Variants in DGKG observed in about 807,000 individuals in gnomAD.
DGKG encodes DAG kinase gamma.
DGKG carries 78 observed loss-of-function variants against 105.3 expected under a neutral mutation model. That is an observed-to-expected ratio of 0.74 (90% CI 0.62 to 0.89). DGKG has a LOEUF of 0.89. Among genes scored for constraint, DGKG ranks in the 40% least tolerant of loss-of-function variants. DGKG has a pLI of 0.00. For synonymous variants in DGKG, 346 were observed against 367.1 expected, an observed-to-expected ratio of 0.94 and a Z score of 0.66; for missense variants, 958 against 1,020.1, an observed-to-expected ratio of 0.94 and a Z score of 0.83.
At position 186,188,337 on chromosome 3, in the gene DGKG, C is replaced by A. The variant is rs1317806043; in HGVS notation, c.1960G>T (p.Gly654Cys). The A allele has an allele frequency of 6.2e-7, 1 of 1,614,146 alleles. No homozygotes were observed. The highest frequency in any genetic ancestry group is 1.1e-5 in the South Asian group (1 of 91,078). Residue 654 changes from glycine to cysteine, a missense_variant, in exon 22 of 25, where the codon GGC becomes TGC. Gly to Cys is a radical substitution (Grantham distance 159). This residue lies in a region of DGKG where 315 missense variants were observed against 400.6 expected (regional missense o/e 0.79). Coordinates refer to ENST00000265022, the MANE Select transcript of DGKG (RefSeq NM_001346.3). ...CTGGGAATGTTGAGAATGGCAATGC[C>A]TTCCAGGAAGATGTTGCTCAGGTCC... The part of the protein sequence containing the change: ...GVDLSNIFLE[G>C]IAILNIPSMY...
intron 22 of DGKG, among the ~76,000 whole-genome samples, chr3:186,183,615 C>T (rs996299760): frequency 1.3e-5 from 2 of 152,028 alleles, no homozygotes; most frequent in African/African-American, 2.4e-5. Flanking sequence ...ATAGTAGGTA[C>T]AATTGGTAAT....
intron 6 of DGKG, among the ~76,000 whole-genome samples, chr3:186,288,249 A>G (rs1723159962): frequency 6.6e-6 from 1 of 152,236 alleles, no homozygotes; most frequent in South Asian, 2.1e-4. Flanking sequence ...GCTTATCAAG[A>G]CAGAGGTTGA....
intron 20 of DGKG, among the ~76,000 whole-genome samples, chr3:186,222,565 G>A (rs554261212): frequency 3.3e-5 from 5 of 152,258 alleles, no homozygotes; most frequent in East Asian, 1.9e-4. Context: ...ACACATGGTC[G>A]GGTGCGGTGG....
At chr3:186,249,922 A>C (rs962802865) in intron 19 of DGKG, among the ~76,000 whole-genome samples, 1 of 152,078 alleles carries the variant, frequency 6.6e-6, no homozygotes, top group Non-Finnish European at 1.5e-5. Flanking sequence ...TCTTTCCTTT[A>C]AAAAAAATTA....
intron 13 of DGKG, among the ~76,000 whole-genome samples, chr3:186,265,694 C>T (rs1164279244): frequency 5.8e-5 from 7 of 119,680 alleles, no homozygotes; most frequent in Non-Finnish European, 6.5e-5. Context: ...GACGGAGTCT[C>T]GCTCTATTGC....
chr3:186,288,938 C>A lies in DGKG; in HGVS notation c.374-58G>T, dbSNP rs1014964500. On this transcript the variant is annotated intron_variant, in intron 5 of 24. Coordinates refer to ENST00000265022, the MANE Select transcript of DGKG (RefSeq NM_001346.3). ...ATTTTCTGTTTAGTAAATATTAACC[C>A]CTCTTTGTTACCCCATCCTTTTCAT... 4 of 1,462,828 alleles carry A rather than the reference C, an allele frequency of 2.7e-6. No individual in the cohort carries two copies. In the African/African-American group the frequency reaches 4.3e-5, roughly 16 times the overall value. 90.6% of individuals were successfully genotyped at this position (1,462,828 alleles called of 1,614,324 possible). A position where few individuals can be genotyped will look rare whatever the true frequency, so the allele number is the denominator to read the frequency against.
At chr3:186,188,057 T>G in intron 22 of DGKG, 145 bp downstream of exon 22, 1 of 949,762 alleles carries the variant, frequency 1.1e-6, no homozygotes, top group Non-Finnish European at 1.6e-6. Flanking sequence ...TTGTAAACTT[T>G]GCAACATCGG....
At chr3:186,178,766 G>T (rs1389786520) in intron 22 of DGKG, among the ~76,000 whole-genome samples, 1 of 152,190 alleles carries the variant, frequency 6.6e-6, no homozygotes, top group Non-Finnish European at 1.5e-5. Context: ...GTGAATTTGA[G>T]TTGGGTCAGG....
Position 186,272,361 on chromosome 3 carries a change from C to A in DGKG, c.911-18G>T, listed in dbSNP as rs750157926. On this transcript the variant is annotated intron_variant, in intron 10 of 24. Transcript: ENST00000265022. ...TTTACAGTCTGAAAAGAAAAAAAGT[C>A]AAGGCAGGTGCTTGTGAATAGCCAC... 9.4e-6 allele frequency: 15 copies of A among 1,594,838 alleles called. No individual in the cohort carries two copies. Among genetic ancestry groups the A allele is most frequent in the Non-Finnish European group, 1.3e-5 (15 of 1,162,804 alleles).
chr3:186,260,027 T>G (rs954489432), intron 16 of DGKG, among the ~76,000 whole-genome samples: 1 of 152,170 alleles, frequency 6.6e-6, no homozygotes, highest in Non-Finnish European at 1.5e-5. Flanking sequence ...TCTGAGTCAC[T>G]GTCTAGATTT....
chr3:186,155,538 A>C lies in DGKG; in HGVS notation c.2278-5350T>G, dbSNP rs528488951. ...GGCATTTTAAGGAAATTTTTAGGAA[A>C]TTTCCAACTTTTTGCAATGATAAGT... On this transcript the variant is annotated intron_variant, in intron 24 of 24. Coordinates refer to ENST00000265022, the MANE Select transcript of DGKG (RefSeq NM_001346.3). Among the ~76,000 whole-genome samples the C allele has an allele frequency of 3.3e-5, 5 of 152,300 alleles. No homozygotes were observed. In the South Asian group the frequency reaches 1.0e-3, roughly 32 times the overall value.
Position 186,306,901 on chromosome 3 carries a change from C to G in DGKG, c.144G>C (p.Glu48Asp). 2 of 1,601,570 alleles carry G rather than the reference C, an allele frequency of 1.2e-6. No homozygotes were observed. The highest frequency in any genetic ancestry group is 1.7e-6 in the Non-Finnish European group (2 of 1,169,118). The change falls in exon 3 of 25, where the codon GAG becomes GAC. Residue 48 changes from glutamate to aspartate, a missense_variant and splice_region_variant. This residue lies in a region of DGKG where 643 missense variants were observed against 619.5 expected (regional missense o/e 1.04). Coordinates refer to ENST00000265022, the MANE Select transcript of DGKG (RefSeq NM_001346.3). ...GGSLKQYDPH[E>D]PISYDVFKLF... ...AGGCTTAAAATGGAAATGTTCTTACCTCATGTGGGTCATATTGTTTGAGGC... is the reference window on the plus strand; with the variant it reads ...AGGCTTAAAATGGAAATGTTCTTACGTCATGTGGGTCATATTGTTTGAGGC...
chr3:186,178,959 G>T (rs992726503), intron 22 of DGKG, among the ~76,000 whole-genome samples: 2 of 152,132 alleles, frequency 1.3e-5, no homozygotes, highest in Admixed American at 6.5e-5. Context: ...ATTTATTCTT[G>T]ATATTCTTTG....
chr3:186,265,435 G>C, intron 13 of DGKG, 129 bp from the exon 14 acceptor site: 1 of 804,202 alleles, frequency 1.2e-6, no homozygotes, highest in Non-Finnish European at 2.0e-6. Flanking sequence ...TGGAGACGAG[G>C]TTTTCAACAT....
At chr3:186,183,292 C>A (rs1481109972) in intron 22 of DGKG, among the ~76,000 whole-genome samples, 1 of 152,102 alleles carries the variant, frequency 6.6e-6, no homozygotes, top group Non-Finnish European at 1.5e-5. Context: ...CTTGATTTTC[C>A]TCAACTATGA....
At chr3:186,183,507 G>C (rs917669577) in intron 22 of DGKG, among the ~76,000 whole-genome samples, 18 of 151,248 alleles carry the variant, frequency 1.2e-4, no homozygotes, top group East Asian at 3.9e-4. Context: ...CCTTTCTTGG[G>C]GGGGGGCGGG....
intron 1 of DGKG, among the ~76,000 whole-genome samples, chr3:186,329,829 C>CA (rs1282521194): frequency 2.6e-5 from 4 of 152,186 alleles, no homozygotes; most frequent in African/African-American, 9.6e-5. Flanking sequence ...GTCTGCTCTC[C>CA]AGTAGCACTT....
At chr3:186,263,526 C>T (rs551719358) in intron 14 of DGKG, among the ~76,000 whole-genome samples, 17 of 152,272 alleles carry the variant, frequency 1.1e-4, no homozygotes, top group African/African-American at 3.6e-4. Flanking sequence ...GAGATCGCAC[C>T]ATTGCACTCC....
rs1413960188 is a variant in DGKG, at chr3:186,361,762, G to A, written c.-249+184C>T. Among the ~76,000 whole-genome samples the A allele has an allele frequency of 3.3e-5, 5 of 152,148 alleles. No homozygotes were observed. The highest frequency in any genetic ancestry group is 9.7e-5 in the African/African-American group (4 of 41,440). On this transcript the variant is annotated intron_variant, in intron 1 of 24. Transcript: ENST00000265022. The surrounding 1 kb of genome is among the most constrained non-coding windows in gnomAD (Gnocchi z 6.8). ...CGTTCCCCAAGCCTGCACCCCTCGAGCGGGGCATCCCTTCCTGCAGGGCTT... is the reference window on the plus strand; with the variant it reads ...CGTTCCCCAAGCCTGCACCCCTCGAACGGGGCATCCCTTCCTGCAGGGCTT...
Sources: gnomAD v4.1 joint callset for allele counts (sites outside exome capture counted in the v4.1 genomes callset) on GRCh38, gnomAD v4.1.1 for gene constraint, gnomAD v4.1.1 regional missense constraint, Gnocchi (gnomAD v3.1) non-coding constraint, MANE v1.5 for transcripts, NCBI Gene and HGNC (gene_info 2026-07-23, HGNC 2026-07-21) for gene names.